The following DACT2 variants were observed in gnomAD, a reference collection of about 807,000 sequenced individuals.
The protein encoded by DACT2 is dishevelled binding antagonist of beta catenin 2.
DACT2 carries 20 observed loss-of-function variants against 22.2 expected under a neutral mutation model. The observed-to-expected ratio is 0.90, with a 90% CI of 0.63 to 1.31. DACT2 has a LOEUF of 1.31. Among genes scored for constraint, DACT2 ranks in the 50% most tolerant of loss-of-function variants. DACT2 has a pLI of 0.00. For missense variants in DACT2, 1,048 were observed against 1,061.4 expected (o/e 0.99, Z 0.18); for synonymous variants, 463 against 479.8 (o/e 0.96, Z 0.46).
chr6:168,309,044 T>C lies in DACT2; in HGVS notation c.713A>G (p.Asp238Gly). The part of the protein sequence containing the change: ...ADTGLQKASA[D>G]AELLGLLCQG... The stretch of plus-strand genomic sequence containing the variant: ...GCAGAGGAGCCCGAGGAGCTCGGCG[T>C]CCGCGCTGGCTTTCTGGAGCCCCGT... Residue 238 changes from aspartate to glycine, a missense_variant, in exon 4 of 4, where the codon GAC (aspartate) becomes GGC (glycine). Physicochemically the swap from Asp to Gly is moderately conservative, Grantham distance 94. Coordinates refer to ENST00000366795, the MANE Select transcript of DACT2 (RefSeq NM_214462.5). 1 of 1,543,168 alleles carries C rather than the reference T, an allele frequency of 6.5e-7. No individual in the cohort carries two copies. The highest frequency in any genetic ancestry group is 2.4e-5 in the East Asian group (1 of 40,904).
At position 168,308,229 on chromosome 6, in the gene DACT2, A is replaced by G; in HGVS notation, c.1528T>C (p.Phe510Leu). 1 of 1,551,352 alleles carries G rather than the reference A, an allele frequency of 6.4e-7. No individual in the cohort carries two copies. The highest frequency in any genetic ancestry group is 2.4e-5 in the East Asian group (1 of 40,856). Residue 510 changes from phenylalanine to leucine, a missense_variant, in exon 4 of 4, where the codon TTT (phenylalanine) becomes CTT (leucine). Phe to Leu is a conservative substitution (Grantham distance 22, BLOSUM62 0). Coordinates refer to ENST00000366795, the MANE Select transcript of DACT2 (RefSeq NM_214462.5). ...AGTAGAAGCAGCGGCTGCCTTGCAAACCTCAGCACCTTGTCCATGGGACTT... is the reference window on the plus strand; with the variant it reads ...AGTAGAAGCAGCGGCTGCCTTGCAAGCCTCAGCACCTTGTCCATGGGACTT... ...KRSPMDKVLR[F>L]ARQPLLLLDR...
intron 1 of DACT2, among the ~76,000 whole-genome samples, chr6:168,311,864 T>C (rs1779428454): frequency 6.6e-6 from 1 of 152,180 alleles, no homozygotes; most frequent in East Asian, 1.9e-4. Flanking sequence ...TTTTGCTGCG[T>C]TTTTCAGCCT....
chr6:168,298,338 G>A (rs972948841), intron 3 of DACT2: 3 of 152,182 alleles, frequency 2.0e-5, no homozygotes, highest in African/African-American at 7.2e-5. Flanking sequence ...TCCATTTGGC[G>A]AGGGCATGAG....
downstream of DACT2, among the ~76,000 whole-genome samples, chr6:168,304,069 A>G (rs961502367): frequency 2.6e-5 from 4 of 152,158 alleles, no homozygotes; most frequent in African/African-American, 9.7e-5. Context: ...CGGAAGTCAA[A>G]TTCTACATTG....
intron 1 of DACT2, among the ~76,000 whole-genome samples, chr6:168,318,291 C>A (rs993871184): frequency 6.6e-6 from 1 of 152,248 alleles, no homozygotes; most frequent in Non-Finnish European, 1.5e-5. Context: ...CCAGGTTAAT[C>A]CCACACAGTC....
chr6:168,303,447 A>G (rs936698707), downstream of DACT2, among the ~76,000 whole-genome samples: 2 of 152,116 alleles, frequency 1.3e-5, no homozygotes, highest in Non-Finnish European at 2.9e-5. Context: ...TTCCCGAGAG[A>G]GCAGGTGATT....
At chr6:168,319,198 T>A (rs1779584524) in intron 1 of DACT2, among the ~76,000 whole-genome samples, 190 bp downstream of exon 1, 1 of 152,144 alleles carries the variant, frequency 6.6e-6, no homozygotes, top group South Asian at 2.1e-4. Flanking sequence ...GCGCTTCACC[T>A]CTAGGCACCT....
rs1214898092 is a variant in DACT2, at chr6:168,294,547, ATGTGTGTGTG to A, written c.730+76_730+85del. On this transcript the variant is annotated intron_variant, in intron 4 of 5. Coordinates refer to the DACT2 transcript ENST00000366796. ...CCTAGAACTTAAAGTATAATAAAAT[ATGTGTGTGTG>A]TGTATGTGTGTGTGTGTGTGTATAT... 1.5e-4 allele frequency: 113 copies of A among 752,496 alleles called. 1 individual carries two copies. In the African/African-American group the frequency reaches 2.5e-3, roughly 16 times the overall value. The allele number at this position is 752,496 out of a possible 1,614,324, so 46.6% of individuals were successfully genotyped here. A position where few individuals can be genotyped will look rare whatever the true frequency, so the allele number is the denominator to read the frequency against.
In DACT2 at chr6:168,311,182, C is replaced by T; in HGVS notation, c.349G>A (p.Ala117Thr). The T allele has an allele frequency of 6.5e-7, 1 of 1,545,254 alleles. No homozygotes were observed. The change falls in exon 2 of 4, where the codon GCC becomes ACC. Residue 117 changes from alanine to threonine, a missense_variant. Ala to Thr is a moderately conservative substitution (Grantham distance 58, BLOSUM62 0). Coordinates refer to ENST00000366795, the MANE Select transcript of DACT2 (RefSeq NM_214462.5). ...QLDVGTASGE[A>T]LDSDSRPSSG... ...CTGGGCCTGCTGTCGCTGTCCAGGG[C>T]CTCCCCTGAGGCTGTGCCCACATCC...
chr6:168,301,493 A>C (rs937953975), intron 3 of DACT2, among the ~76,000 whole-genome samples: 5 of 152,200 alleles, frequency 3.3e-5, no homozygotes, highest in African/African-American at 1.2e-4. Context: ...TGCCATCTTT[A>C]GTGAGAGCCC....
chr6:168,311,492 A>C (rs1779396531), intron 1 of DACT2, among the ~76,000 whole-genome samples: 1 of 150,704 alleles, frequency 6.6e-6, no homozygotes, highest in African/African-American at 2.5e-5. Flanking sequence ...ACTGACACCC[A>C]TCGCCCCCCA....
chr6:168,296,704 A>G (rs1779015207), intron 3 of DACT2, among the ~76,000 whole-genome samples: 1 of 152,252 alleles, frequency 6.6e-6, no homozygotes, highest in African/African-American at 2.4e-5. Context: ...TAAACTGCTA[A>G]TAACAATAAG....
chr6:168,298,901 A>G (rs555216106), intron 3 of DACT2: 1 of 152,150 alleles, frequency 6.6e-6, no homozygotes, highest in East Asian at 1.9e-4. Flanking sequence ...AATACCCACA[A>G]TATCTACCTC....
chr6:168,294,577 G>GTGTGTATATATATATATGTATATATA (rs1177617130), intron 4 of DACT2: 1 of 114,784 alleles, frequency 8.7e-6, no homozygotes, highest in African/African-American at 5.8e-5. Context: ...GTGTGTGTGT[G>GTGTGTATATATATATATGTATATATA]TATATATATA....
chr6:168,307,756 C>T lies in DACT2; in HGVS notation c.2001G>A (p.Ser667=), dbSNP rs1236101749. 1 of 1,547,630 alleles carries T rather than the reference C, an allele frequency of 6.5e-7. No individual in the cohort carries two copies. The highest frequency in any genetic ancestry group is 8.7e-7 in the Non-Finnish European group (1 of 1,146,834). The stretch of plus-strand genomic sequence containing the variant: ...ACGGGAACCGCGGGTCACACTCGGC[C>T]GAGTGCTTGGAGGGCTCTGAGTCGC... ...TRSDSEPSKH[S]AECDPRFPSV... is the part of the protein sequence containing the mutation. Residue 667 remains serine, a synonymous_variant, in exon 4 of 4, where the codon TCG becomes TCA. Transcript: ENST00000366795. The surrounding 1 kb of genome is among the most constrained non-coding windows in gnomAD (Gnocchi z 5.3).
chr6:168,308,172 G>GT lies in DACT2; in HGVS notation c.1584_1585insA (p.Gln529ThrfsTer35). 6.5e-7 allele frequency: 1 copy of GT among 1,550,170 alleles called. No homozygotes were observed. The highest frequency in any genetic ancestry group is 8.7e-7 in the Non-Finnish European group (1 of 1,146,362). On this transcript the variant is annotated frameshift_variant, in exon 4 of 4. Transcript: ENST00000366795. LOFTEE classifies it low-confidence loss of function (END_TRUNC). ...GCAGGGTCCCACTCCAGGGATGGCT[G>GT]GGGGGCTGCATGGGCTCCCTCAGGC... is the stretch of plus-strand genomic sequence containing the variant.
At chr6:168,311,088 G>A (rs1779385645) in intron 2 of DACT2, 64 bp downstream of exon 2, 1 of 1,455,024 alleles carries the variant, frequency 6.9e-7, no homozygotes, top group Non-Finnish European at 9.1e-7. Context: ...TGGCGGGATA[G>A]GCTTCACCTC....
In DACT2 at chr6:168,311,584, C is replaced by CACACACACACACTCACACACAAA. The variant is rs1562498529; in HGVS notation, c.247-301_247-300insTTTGTGTGTGAGTGTGTGTGTGT. ...CTCACACACAAACACACACACCCAT[C>CACACACACACACTCACACACAAA]CACACACACACATACACACACACTC... On this transcript the variant is annotated intron_variant, in intron 1 of 3. Transcript: ENST00000366795. Among the ~76,000 whole-genome samples the CACACACACACACTCACACACAAA allele has an allele frequency of 3.5e-5, 3 of 86,102 alleles. 1 individual carries two copies. Among genetic ancestry groups the CACACACACACACTCACACACAAA allele is most frequent in the South Asian group, 4.0e-4 (1 of 2,514 alleles). 56.5% of individuals were successfully genotyped at this position (86,102 alleles called of 152,430 possible). A position where few individuals can be genotyped will look rare whatever the true frequency, so the allele number is the denominator to read the frequency against.
At chr6:168,310,499 G>A (rs1779370791) in intron 2 of DACT2, 53 bp from the exon 3 acceptor site, 3 of 1,523,118 alleles carry the variant, frequency 2.0e-6, no homozygotes. Flanking sequence ...AAAGCCCAGG[G>A]CCCCCTCTCC....
Sources: allele counts gnomAD v4.1 joint callset (sites outside exome capture counted in the v4.1 genomes callset), GRCh38; gene constraint gnomAD v4.1.1; non-coding constraint Gnocchi (gnomAD v3.1); transcripts MANE v1.5; gene names NCBI Gene and HGNC (gene_info 2026-07-23, HGNC 2026-07-21).